Variants in UBR1 observed in about 807,000 individuals in gnomAD.
UBR1 encodes E3 ubiquitin-protein ligase UBR1.
A neutral mutation model predicts 242.1 loss-of-function variants in UBR1; 102 were observed. That is an observed-to-expected ratio of 0.42 (90% CI 0.36 to 0.50). The LOEUF (loss-of-function observed/expected upper bound fraction) is 0.50, where lower values mean the gene tolerates loss of function less well. Among genes scored for constraint, UBR1 ranks in the 20% least tolerant of loss-of-function variants. The probability of loss-of-function intolerance (pLI) is 0.01; values close to 1 mark genes in which losing one functional copy is unlikely to be tolerated. For missense variants in UBR1, 1,772 were observed against 2,101.8 expected (o/e 0.84, Z 3.07); for synonymous variants, 675 against 684.8 (o/e 0.99, Z 0.22).
intron 27 of UBR1, among the ~76,000 whole-genome samples, chr15:43,018,701 A>G (rs1337132781): frequency 6.6e-6 from 1 of 152,186 alleles, no homozygotes; most frequent in Non-Finnish European, 1.5e-5. Flanking sequence ...AAATTTATTT[A>G]TATTTTGAAA....
At chr15:42,960,786 T>C in intron 42 of UBR1, 85 bp from the exon 43 acceptor site, 1 of 1,384,986 alleles carries the variant, frequency 7.2e-7, no homozygotes, top group South Asian at 1.2e-5. Context: ...CTTTTTTTTT[T>C]GAGATGGATT....
intron 44 of UBR1, among the ~76,000 whole-genome samples, chr15:42,953,941 G>T (rs1308767346): frequency 1.3e-5 from 2 of 148,198 alleles, no homozygotes; most frequent in Non-Finnish European, 3.0e-5. Flanking sequence ...GAAGTCCAGT[G>T]TCACAGTCAC....
Position 42,983,933 on chromosome 15 carries a change from C to T in UBR1, c.4114G>A (p.Val1372Ile). The T allele has an allele frequency of 1.9e-6, 3 of 1,613,182 alleles. No homozygotes were observed. The highest frequency in any genetic ancestry group is 4.5e-5 in the East Asian group (2 of 44,808). ...CGAACCAGATGTTTCTGTATCAGGACCTGAGGACAGGTAATCCTCTGTGCA... is the reference window on the plus strand; with the variant it reads ...CGAACCAGATGTTTCTGTATCAGGATCTGAGGACAGGTAATCCTCTGTGCA... ...AVAQRITCPQ[V>I]LIQKHLVRLL... Residue 1372 changes from valine (V) to isoleucine (I), a missense_variant, in exon 37 of 47, where the codon GTC (valine) becomes ATC (isoleucine). Physicochemically the swap from Val to Ile is conservative, Grantham distance 29. Coordinates refer to ENST00000290650, the MANE Select transcript of UBR1 (RefSeq NM_174916.3).
At chr15:43,067,844 G>A in intron 6 of UBR1, 54 bp downstream of exon 6, 2 of 1,610,666 alleles carry the variant, frequency 1.2e-6, no homozygotes, top group South Asian at 2.2e-5. Flanking sequence ...TCAACATCTG[G>A]CTGCCAGGAA....
At chr15:43,104,485 AG>A (rs2034273341) in intron 1 of UBR1, among the ~76,000 whole-genome samples, 1 of 152,114 alleles carries the variant, frequency 6.6e-6, no homozygotes, top group South Asian at 2.1e-4. Context: ...TTCCTCCTTC[AG>A]GAACAGTAGT....
chr15:43,093,765 G>C (rs1308377142), intron 1 of UBR1, among the ~76,000 whole-genome samples: 2 of 148,792 alleles, frequency 1.3e-5, no homozygotes, highest in African/African-American at 5.0e-5. Flanking sequence ...CATTCAGCCT[G>C]GGGAACAGAG....
intron 31 of UBR1, chr15:43,003,265 A>AT (rs1175944394): frequency 6.1e-6 from 1 of 164,052 alleles, no homozygotes; most frequent in Non-Finnish European, 1.3e-5. Context: ...GTGTTTATTA[A>AT]TTTTTTTGAG....
intron 3 of UBR1, among the ~76,000 whole-genome samples, chr15:43,079,633 T>A (rs2033951235): frequency 1.3e-5 from 2 of 151,742 alleles, no homozygotes; most frequent in South Asian, 2.1e-4. Context: ...ACAAAAAAAA[T>A]TAGCCGGGTA....
At chr15:42,973,957 C>T (rs916381606) in intron 39 of UBR1, among the ~76,000 whole-genome samples, 50 of 145,102 alleles carry the variant, frequency 3.4e-4, no homozygotes, top group Non-Finnish European at 4.6e-4. Flanking sequence ...GGAGCAATCT[C>T]GGCTCACTGC....
At chr15:42,954,614 C>A (rs1235608859) in intron 44 of UBR1, among the ~76,000 whole-genome samples, 1 of 152,148 alleles carries the variant, frequency 6.6e-6, no homozygotes, top group African/African-American at 2.4e-5. Context: ...GTTGCCCAGG[C>A]TGAAGTGCAG....
intron 45 of UBR1, among the ~76,000 whole-genome samples, chr15:42,952,068 A>C (rs2031843031): frequency 6.6e-6 from 1 of 152,224 alleles, no homozygotes; most frequent in Non-Finnish European, 1.5e-5. Flanking sequence ...TATCCTATTT[A>C]AGATTTTCCA....
chr15:43,072,207 AAATC>A (rs970001724), intron 4 of UBR1, among the ~76,000 whole-genome samples: 2 of 152,162 alleles, frequency 1.3e-5, no homozygotes, highest in Non-Finnish European at 2.9e-5. Context: ...TAACATCTAA[AAATC>A]AATCAATGTA....
chr15:43,045,420 T>C (rs1229108000), intron 14 of UBR1, among the ~76,000 whole-genome samples: 1 of 152,160 alleles, frequency 6.6e-6, no homozygotes, highest in Non-Finnish European at 1.5e-5. Context: ...TGAGCCATGA[T>C]AGCGCCACTA....
At chr15:43,002,798 G>A in intron 31 of UBR1, 94 bp from the exon 32 acceptor site, 1 of 1,545,458 alleles carries the variant, frequency 6.5e-7, no homozygotes, top group Non-Finnish European at 8.9e-7. Context: ...TTAAAAATCT[G>A]GAATTTTTGC....
rs200780188 is a variant in UBR1, at chr15:43,105,909, GA to G, written c.81+32del. The G allele has an allele frequency of 0.058, 87,894 of 1,523,354 alleles. 2,779 individuals carry two copies. Among genetic ancestry groups the G allele is most frequent in the Middle Eastern group, 0.091 (538 of 5,882 alleles). 94.4% of individuals were successfully genotyped at this position (1,523,354 alleles called of 1,614,324 possible). ...AAGCGCAGTAGGGAGGGACCGGGGG[GA>G]GGACAAAAGAGACTTGCCTATAGGG... On this transcript the variant is annotated intron_variant, in intron 1 of 46. Transcript: ENST00000290650.
chr15:43,046,853 A>C (rs919181117), intron 14 of UBR1, among the ~76,000 whole-genome samples: 2 of 152,162 alleles, frequency 1.3e-5, no homozygotes, highest in Admixed American at 1.3e-4. Flanking sequence ...AATATTTAAA[A>C]GTCTACTATG....
chr15:43,006,278 G>GT (rs933955398), intron 30 of UBR1, among the ~76,000 whole-genome samples: 2 of 152,122 alleles, frequency 1.3e-5, no homozygotes, highest in Non-Finnish European at 2.9e-5. Context: ...TGAGGATTAA[G>GT]TAAGTAAATA....
intron 1 of UBR1, among the ~76,000 whole-genome samples, chr15:43,098,330 T>G (rs1386968938): frequency 5.3e-5 from 8 of 152,176 alleles, no homozygotes; most frequent in Admixed American, 5.2e-4. Context: ...TGAAAAAGTT[T>G]GAAGTATTGT....
chr15:42,952,474 G>T, intron 44 of UBR1, 26 bp from the exon 45 acceptor site: 1 of 1,613,626 alleles, frequency 6.2e-7, no homozygotes, highest in South Asian at 1.1e-5. Context: ...AACATTTAGA[G>T]AATGATGGAA....
Sources: allele counts gnomAD v4.1 joint callset (sites outside exome capture counted in the v4.1 genomes callset), GRCh38; gene constraint gnomAD v4.1.1; transcripts MANE v1.5; gene names NCBI Gene and HGNC (gene_info 2026-07-23, HGNC 2026-07-21).